GSE1: variants seen among roughly 807,000 people sequenced by gnomAD.
GSE1 encodes genetic suppressor element 1.
Under a neutral mutation model 112.6 loss-of-function variants are expected in GSE1, and 32 were observed. The observed-to-expected ratio is 0.28, with a 90% CI of 0.21 to 0.38. The LOEUF (loss-of-function observed/expected upper bound fraction) is 0.38, where lower values mean the gene tolerates loss of function less well. Among genes scored for constraint, GSE1 ranks in the 10% least tolerant of loss-of-function variants. GSE1 has a pLI of 1.00. For missense variants in GSE1, 2,348 were observed against 1,699.2 expected (o/e 1.38, Z -6.71); for synonymous variants, 1,115 against 735.6 (o/e 1.52, Z -8.35).
chr16:85,616,313 C>T (rs1227406964), intron 1 of GSE1, among the ~76,000 whole-genome samples: 2 of 152,264 alleles, frequency 1.3e-5, no homozygotes, highest in East Asian at 3.8e-4. Context: ...GTGCCTCCCA[C>T]TTTTCTGGAA....
chr16:85,355,774 G>A lies in GSE1; in HGVS notation c.2284-1689G>A, dbSNP rs574745138. 3.9e-5 allele frequency among the ~76,000 whole-genome samples: 6 copies of A among 152,220 alleles called. No individual in the cohort carries two copies. In the South Asian group the frequency reaches 1.0e-3, roughly 26 times the overall value. ...AGGGGCTCACACCTATAATCCCAGC[G>A]CTTTGGGAGGCAGAAGCAGGCGGAT... On this transcript the variant is annotated intron_variant, in intron 1 of 2. Coordinates refer to the GSE1 transcript ENST00000637419.
intron 2 of GSE1, among the ~76,000 whole-genome samples, chr16:85,524,041 G>A (rs1335401926): frequency 6.6e-6 from 1 of 152,206 alleles, no homozygotes. Flanking sequence ...TGTCTCCCGG[G>A]TGGTGGGGCC....
At chr16:85,619,132 C>T (rs927582608) in intron 1 of GSE1, among the ~76,000 whole-genome samples, 6 of 152,208 alleles carry the variant, frequency 3.9e-5, no homozygotes, top group Non-Finnish European at 7.3e-5. Context: ...CTTTAACAAC[C>T]GGAGGTTCTT....
chr16:85,342,846 C>G (rs540430895), intron 1 of GSE1, among the ~76,000 whole-genome samples: 1 of 151,518 alleles, frequency 6.6e-6, no homozygotes, highest in African/African-American at 2.4e-5. Flanking sequence ...GCTGGTTCCC[C>G]CTTTTCAGCG....
chr16:85,239,067 A>G (rs1283842992), intron 1 of GSE1, among the ~76,000 whole-genome samples: 1 of 152,026 alleles, frequency 6.6e-6, no homozygotes, highest in Non-Finnish European at 1.5e-5. Context: ...AGCTGGGATT[A>G]TAGGCACCCG....
intron 2 of GSE1, among the ~76,000 whole-genome samples, chr16:85,478,894 T>TCTTTCTTTCTTTCTTTC: frequency 1.3e-5 from 1 of 77,484 alleles, no homozygotes; most frequent in African/African-American, 7.7e-5. Context: ...TTTCTTTCTT[T>TCTTTCTTTCTTTCTTTC]CTTTCTTTCT....
At chr16:85,391,498 C>T (rs565353841) in intron 2 of GSE1, among the ~76,000 whole-genome samples, 73 of 152,350 alleles carry the variant, frequency 4.8e-4, no homozygotes, top group Non-Finnish European at 9.0e-4. Flanking sequence ...ATGCTTCCTG[C>T]CTCTTCCAGT....
intron 1 of GSE1, among the ~76,000 whole-genome samples, chr16:85,224,636 C>T (rs1263486246): frequency 6.6e-6 from 1 of 152,174 alleles, no homozygotes; most frequent in Non-Finnish European, 1.5e-5. Context: ...AGCTCCATCC[C>T]TTCCCCTGCC....
chr16:85,408,162 C>A (rs1597644682), intron 2 of GSE1, among the ~76,000 whole-genome samples: 2 of 42,588 alleles, frequency 4.7e-5, no homozygotes, highest in Non-Finnish European at 4.7e-5. Context: ...ACTCAGGGCC[C>A]CCCGGATAAT....
At chr16:85,455,173 T>C (rs573121376) in intron 2 of GSE1, among the ~76,000 whole-genome samples, 7 of 152,278 alleles carry the variant, frequency 4.6e-5, no homozygotes, top group African/African-American at 1.7e-4. Flanking sequence ...AGGGCCTCAT[T>C]CTCCTCCAAG....
chr16:85,488,020 C>T (rs1435027809), intron 2 of GSE1, among the ~76,000 whole-genome samples: 1 of 152,158 alleles, frequency 6.6e-6, no homozygotes, highest in South Asian at 2.1e-4. Flanking sequence ...GCCATGGAGG[C>T]TCCTAGCAGG....
chr16:85,404,318 C>G (rs112441022), intron 2 of GSE1, among the ~76,000 whole-genome samples: 103 of 32,654 alleles, frequency 3.2e-3, no homozygotes, highest in African/African-American at 3.6e-3. Context: ...AATCCTCACT[C>G]TTACACTCAG....
chr16:85,542,938 C>A (rs913076838), intron 2 of GSE1, among the ~76,000 whole-genome samples: 1 of 152,160 alleles, frequency 6.6e-6, no homozygotes, highest in Non-Finnish European at 1.5e-5. Flanking sequence ...TTAAGAATGT[C>A]TCCTTGTAGC....
intron 2 of GSE1, among the ~76,000 whole-genome samples, chr16:85,437,396 G>A (rs1271910327): frequency 6.6e-6 from 1 of 152,154 alleles, no homozygotes. Flanking sequence ...TAGAAAGCAG[G>A]ATGTTGCCAA....
At chr16:85,400,096 G>A (rs759246283) in intron 2 of GSE1, among the ~76,000 whole-genome samples, 18 of 152,218 alleles carry the variant, frequency 1.2e-4, no homozygotes, top group Admixed American at 2.0e-4. Context: ...TGACACCTGC[G>A]TCTTCGCCGC....
intron 1 of GSE1, among the ~76,000 whole-genome samples, chr16:85,586,842 A>T (rs1258291745): frequency 6.6e-6 from 1 of 152,196 alleles, no homozygotes; most frequent in East Asian, 1.9e-4. Flanking sequence ...CCCCCAGCTC[A>T]GGCGAGCTCA....
chr16:85,423,079 G>C (rs150310619), intron 2 of GSE1, among the ~76,000 whole-genome samples: 1 of 152,208 alleles, frequency 6.6e-6, no homozygotes, highest in East Asian at 1.9e-4. Flanking sequence ...GCACTGCCTC[G>C]CAAGCACTGA....
intron 2 of GSE1, among the ~76,000 whole-genome samples, chr16:85,368,600 G>C (rs1382738168): frequency 6.6e-6 from 1 of 152,142 alleles, no homozygotes; most frequent in Non-Finnish European, 1.5e-5. Flanking sequence ...AGCTACTCAG[G>C]AGGCTGAGGC....
At chr16:85,503,169 T>C (rs779795523) in intron 2 of GSE1, among the ~76,000 whole-genome samples, 1 of 152,018 alleles carries the variant, frequency 6.6e-6, no homozygotes, top group Non-Finnish European at 1.5e-5. Context: ...GAGGCCAGAG[T>C]GGGTGGGAGC....
Sources: gnomAD v4.1 joint callset for allele counts (sites outside exome capture counted in the v4.1 genomes callset) on GRCh38, gnomAD v4.1.1 for gene constraint, MANE v1.5 for transcripts, NCBI Gene and HGNC (gene_info 2026-07-23, HGNC 2026-07-21) for gene names.